PTPDC1: variants seen among roughly 807,000 people sequenced by gnomAD.
PTPDC1 encodes protein tyrosine phosphatase domain containing 1.
A neutral mutation model predicts 75.3 loss-of-function variants in PTPDC1; 53 were observed. The ratio of observed to expected loss-of-function variants is 0.70; its 90% CI spans 0.56 to 0.88. The LOEUF (loss-of-function observed/expected upper bound fraction) is 0.88. PTPDC1 is among the 40% of genes least tolerant of loss of function. PTPDC1 has a pLI of 0.00. For missense variants in PTPDC1, 925 were observed against 998.6 expected (o/e 0.93, Z 0.99); for synonymous variants, 349 against 366.2 (o/e 0.95, Z 0.54).
At chr9:94,078,690 T>A (rs1410832769) in intron 2 of PTPDC1, among the ~76,000 whole-genome samples, 1 of 152,202 alleles carries the variant, frequency 6.6e-6, no homozygotes, top group Admixed American at 6.5e-5. Flanking sequence ...TTTTTCAGAG[T>A]GCATAATCTC....
intron 1 of PTPDC1, among the ~76,000 whole-genome samples, chr9:94,054,027 G>A (rs1825860804): frequency 6.6e-6 from 1 of 152,196 alleles, no homozygotes; most frequent in African/African-American, 2.4e-5. Context: ...AACAAATACT[G>A]AGTAGCACTA....
chr9:94,086,692 A>C (rs987883721), intron 2 of PTPDC1, among the ~76,000 whole-genome samples: 1 of 152,226 alleles, frequency 6.6e-6, no homozygotes, highest in East Asian at 1.9e-4. Context: ...TCATTCATTC[A>C]GTAAATATCC....
Position 94,104,275 on chromosome 9 carries a change from G to A in PTPDC1, c.2200G>A (p.Gly734Arg). 6.2e-7 allele frequency: 1 copy of A among 1,601,412 alleles called. No individual in the cohort carries two copies. The highest frequency in any genetic ancestry group is 8.5e-7 in the Non-Finnish European group (1 of 1,171,408). ...TAAATTTTGATTTCTACAAAAACAG[G>A]GACAGCACCAGACTATTCTCTGCGT... ...AAEALFLLEK[G>R]QHQTILCVLH... is the part of the protein sequence containing the mutation. Residue 734 changes from glycine to arginine, a missense_variant and splice_region_variant, in exon 8 of 9, where the codon GGA becomes AGA. Physicochemically the swap from Gly to Arg is moderately radical, Grantham distance 125. Transcript: ENST00000620992.
Position 94,098,422 on chromosome 9 carries a change from C to T in PTPDC1, c.1856C>T (p.Thr619Ile). The T allele has an allele frequency of 5.6e-6, 9 of 1,614,176 alleles. No individual in the cohort carries two copies. The highest frequency in any genetic ancestry group is 7.6e-6 in the Non-Finnish European group (9 of 1,180,032). ...PKAQFLVEHE[T>I]QDSKDLSEAA... The stretch of plus-strand genomic sequence containing the variant: ...GCACAGTTCTTGGTTGAACATGAAA[C>T]CCAGGACAGTAAAGATCTGTCTGAA... Residue 619 changes from threonine to isoleucine, a missense_variant, in exon 6 of 9, where the codon ACC becomes ATC. Coordinates refer to ENST00000620992, the MANE Select transcript of PTPDC1 (RefSeq NM_001253829.2).
chr9:94,067,158 G>A (rs1399815141), intron 2 of PTPDC1, among the ~76,000 whole-genome samples: 3 of 152,084 alleles, frequency 2.0e-5, no homozygotes, highest in African/African-American at 7.2e-5. Context: ...GGGACACTGA[G>A]GTGGGTGGAT....
At chr9:94,100,566 T>A (rs1827801746) in intron 6 of PTPDC1, 1 of 152,190 alleles carries the variant, frequency 6.6e-6, no homozygotes, top group Non-Finnish European at 1.5e-5. Flanking sequence ...ACACCCCCTT[T>A]GCCATTTTCT....
chr9:94,059,126 G>A lies in PTPDC1; in HGVS notation c.-6-5608G>A, dbSNP rs780714907. ...TAATCCATTTGACACTTATCCTTGC[G>A]ATATCTTACTTAAAGCGTCACATAG... On this transcript the variant is annotated intron_variant, in intron 1 of 9. Coordinates refer to the PTPDC1 transcript ENST00000375360. Among the ~76,000 whole-genome samples, 45 of 152,154 alleles carry A rather than the reference G, an allele frequency of 3.0e-4. 1 individual carries two copies. Among genetic ancestry groups the A allele is most frequent in the African/African-American group, 1.0e-3 (42 of 41,524 alleles).
chr9:94,054,343 A>G (rs1258249387), intron 1 of PTPDC1, among the ~76,000 whole-genome samples: 1 of 152,102 alleles, frequency 6.6e-6, no homozygotes, highest in African/African-American at 2.4e-5. Context: ...CATATTGGGG[A>G]CAGAATTAGG....
chr9:94,031,590 A>C (rs955774991), intron 1 of PTPDC1, among the ~76,000 whole-genome samples: 2 of 152,222 alleles, frequency 1.3e-5, no homozygotes, highest in South Asian at 4.1e-4. Flanking sequence ...CAAGTCATTT[A>C]TCTCTCGGAC....
At chr9:94,105,507 A>C (rs1827982895) in intron 8 of PTPDC1, among the ~76,000 whole-genome samples, 1 of 151,888 alleles carries the variant, frequency 6.6e-6, no homozygotes, top group African/African-American at 2.4e-5. Flanking sequence ...ATCTCTACTA[A>C]AGTACAAAAA....
chr9:94,087,830 G>T lies in PTPDC1; in HGVS notation c.417-1G>T. On this transcript the variant is annotated splice_acceptor_variant, in intron 2 of 8. Coordinates refer to ENST00000620992, the MANE Select transcript of PTPDC1 (RefSeq NM_001253829.2). LOFTEE classifies it high-confidence loss of function. Reference sequence around the variant, plus strand: ...TCACCAGTCCCTCCACCTATTTGCAGGGTCACTGATAATATACTGGCCATG... The same window carrying T: ...TCACCAGTCCCTCCACCTATTTGCATGGTCACTGATAATATACTGGCCATG... 1 of 1,612,246 alleles carries T rather than the reference G, an allele frequency of 6.2e-7. No individual in the cohort carries two copies. Among genetic ancestry groups the T allele is most frequent in the South Asian group, 1.1e-5 (1 of 90,990 alleles).
At chr9:94,060,857 TTCCACATGAGA>T (rs1481638282) in intron 1 of PTPDC1, among the ~76,000 whole-genome samples, 2 of 152,298 alleles carry the variant, frequency 1.3e-5, no homozygotes, top group African/African-American at 2.4e-5. Context: ...GGGATTACAA[TTCCACATGAGA>T]GTTCGGTGGG....
intron 1 of PTPDC1, chr9:94,038,170 C>G (rs1169416440): frequency 2.9e-6 from 2 of 686,014 alleles, no homozygotes; most frequent in Non-Finnish European, 5.3e-6. Context: ...CCGTTGGATT[C>G]TCTTACACAG....
chr9:94,104,338 G>T lies in PTPDC1; in HGVS notation c.2263G>T (p.Asp755Tyr). ...AGTGAACCTGCAGACAATTCCCGTG[G>T]ATGTGGAGGAAGCTTTCCTTGCCCA... Reference protein sequence around the residue: ...CIVNLQTIPVDVEEAFLAHAI... With the variant: ...CIVNLQTIPVYVEEAFLAHAI... The change falls in exon 8 of 9, where the codon GAT (aspartate) becomes TAT (tyrosine). Residue 755 changes from aspartate (D) to tyrosine (Y), a missense_variant. Asp to Tyr is a radical substitution (Grantham distance 160, BLOSUM62 -3). Transcript: ENST00000620992. The T allele has an allele frequency of 1.2e-6, 2 of 1,613,940 alleles. No homozygotes were observed. The highest frequency in any genetic ancestry group is 1.7e-6 in the Non-Finnish European group (2 of 1,179,836).
intron 4 of PTPDC1, among the ~76,000 whole-genome samples, chr9:94,092,194 C>A (rs1295092327): frequency 2.7e-5 from 4 of 150,742 alleles, no homozygotes; most frequent in Admixed American, 2.0e-4. Context: ...AATTTTGGAT[C>A]TTTCCTGCTT....
At chr9:94,084,427 T>C (rs923940329), upstream of PTPDC1, 4 of 1,514,788 alleles carry the variant, frequency 2.6e-6, no homozygotes, top group African/African-American at 1.4e-5. Context: ...TGAATGGCTC[T>C]TAGATCATAC....
chr9:94,088,563 AATT>A (rs1827159155), intron 4 of PTPDC1, among the ~76,000 whole-genome samples: 1 of 152,114 alleles, frequency 6.6e-6, no homozygotes, highest in Non-Finnish European at 1.5e-5. Flanking sequence ...TGTGTAACAA[AATT>A]ATTATTTCTG....
At chr9:94,107,055 G>A (rs534498258) in intron 8 of PTPDC1, among the ~76,000 whole-genome samples, 2 of 152,238 alleles carry the variant, frequency 1.3e-5, no homozygotes, top group Non-Finnish European at 2.9e-5. Context: ...CTGGGCTCCG[G>A]CAATCCTCCC....
chr9:94,100,809 A>G (rs1007975486), intron 6 of PTPDC1: 7 of 152,228 alleles, frequency 4.6e-5, no homozygotes, highest in African/African-American at 1.7e-4. Context: ...ACTAAAACAT[A>G]AATCTGAACC....
Sources: allele counts gnomAD v4.1 joint callset (sites outside exome capture counted in the v4.1 genomes callset), GRCh38; gene constraint gnomAD v4.1.1; transcripts MANE v1.5; gene names NCBI Gene and HGNC (gene_info 2026-07-23, HGNC 2026-07-21).